Variants in TSPAN14 observed in about 807,000 individuals in gnomAD.
TSPAN14 encodes tetraspanin 14.
In TSPAN14, 16 loss-of-function variants were observed where a neutral mutation model predicts 36.6. The ratio of observed to expected loss-of-function variants is 0.44; its 90% CI spans 0.30 to 0.66. The LOEUF is 0.66. Ranked by LOEUF, TSPAN14 falls within the 30% of genes least tolerant of loss-of-function variation. TSPAN14 has a pLI of 0.12. For missense variants in TSPAN14, 231 were observed against 355.1 expected, an observed-to-expected ratio of 0.65 and a Z score of 2.81; for synonymous variants, 139 against 143.8, an observed-to-expected ratio of 0.97 and a Z score of 0.24.
intron 1 of TSPAN14, among the ~76,000 whole-genome samples, chr10:80,485,083 A>G (rs1289677589): frequency 1.3e-5 from 2 of 151,940 alleles, no homozygotes; most frequent in East Asian, 1.9e-4. Flanking sequence ...TGAGATCCTA[A>G]TTTTTTTTCT....
At chr10:80,466,194 A>G (rs1314028818) in intron 1 of TSPAN14, among the ~76,000 whole-genome samples, 1 of 152,224 alleles carries the variant, frequency 6.6e-6, no homozygotes, top group Non-Finnish European at 1.5e-5. Context: ...TTATCAGCCA[A>G]GTCTTACAAA....
intron 3 of TSPAN14, among the ~76,000 whole-genome samples, chr10:80,505,940 G>A (rs969257602): frequency 1.3e-5 from 2 of 152,222 alleles, no homozygotes; most frequent in African/African-American, 4.8e-5. Flanking sequence ...AAGAATGGAA[G>A]TCAGCCTTCC....
chr10:80,458,764 G>T (rs968257411), intron 1 of TSPAN14, among the ~76,000 whole-genome samples: 14 of 152,094 alleles, frequency 9.2e-5, no homozygotes, highest in African/African-American at 3.1e-4. Context: ...TCCCTTAATT[G>T]CGTATGCTTT....
rs992044087 is a variant in TSPAN14, at chr10:80,509,484, C to G, written c.450+13C>G. 1.2e-6 allele frequency: 2 copies of G among 1,611,674 alleles called. No homozygotes were observed. Among genetic ancestry groups the G allele is most frequent in the Non-Finnish European group, 1.7e-6 (2 of 1,178,966 alleles). On this transcript the variant is annotated intron_variant, in intron 5 of 8. Transcript: ENST00000429989. This position sits in a 1 kb window ranked among gnomAD's most constrained non-coding sequence, Gnocchi z 4.7. The stretch of plus-strand genomic sequence containing the variant: ...CCTTCAGAAAGCTGTAAGCACCTCC[C>G]CAGCGGGCCCCCGATAGAGCATGCA...
At chr10:80,494,985 A>C (rs1848118140) in intron 2 of TSPAN14, among the ~76,000 whole-genome samples, 1 of 152,222 alleles carries the variant, frequency 6.6e-6, no homozygotes, top group Admixed American at 6.5e-5. Context: ...TTGCAGTCTT[A>C]AGATACGCAT....
chr10:80,458,112 T>C lies in TSPAN14; in HGVS notation c.-18+3741T>C, dbSNP rs1845811565. 2.6e-5 allele frequency among the ~76,000 whole-genome samples: 4 copies of C among 152,328 alleles called. No homozygotes were observed. In the South Asian group the frequency reaches 8.3e-4, roughly 32 times the overall value. On this transcript the variant is annotated intron_variant, in intron 1 of 8. Transcript: ENST00000429989. Reference sequence around the variant, plus strand: ...CCATCCGCTACCTGGATGTGGCCTGTAGGGGCAGCCACCTTTCCTAGAAGC... The same window carrying C: ...CCATCCGCTACCTGGATGTGGCCTGCAGGGGCAGCCACCTTTCCTAGAAGC...
At chr10:80,491,684 A>C (rs1417699303) in intron 2 of TSPAN14, among the ~76,000 whole-genome samples, 2 of 152,208 alleles carry the variant, frequency 1.3e-5, no homozygotes, top group African/African-American at 4.8e-5. Flanking sequence ...TGAATCCAGC[A>C]TGGTAGCAAG....
At chr10:80,521,325 TCTC>T (rs1841254812) in exon 9 of TSPAN14, 1 of 159,274 alleles carries the variant, frequency 6.3e-6, no homozygotes, top group Non-Finnish European at 1.4e-5. Context: ...CATGGGAAGG[TCTC>T]CGCCCAAATG....
intron 2 of TSPAN14, among the ~76,000 whole-genome samples, chr10:80,502,402 G>A (rs1050051340): frequency 6.6e-6 from 1 of 152,172 alleles, no homozygotes; most frequent in African/African-American, 2.4e-5. Context: ...CAGTCTTGTT[G>A]CTTGGACCAG....
At chr10:80,479,745 C>G (rs1589255773) in intron 1 of TSPAN14, among the ~76,000 whole-genome samples, 7 of 151,702 alleles carry the variant, frequency 4.6e-5, no homozygotes, top group African/African-American at 1.7e-4. Flanking sequence ...CAGCTTTGTT[C>G]TTTTGGCTTA....
intron 2 of TSPAN14, among the ~76,000 whole-genome samples, chr10:80,499,340 G>A (rs1205737367): frequency 6.6e-6 from 1 of 152,160 alleles, no homozygotes; most frequent in African/African-American, 2.4e-5. Flanking sequence ...CTTTCGCAAG[G>A]TCATTTGCCT....
At chr10:80,461,841 C>G (rs543472888) in intron 1 of TSPAN14, among the ~76,000 whole-genome samples, 2 of 151,836 alleles carry the variant, frequency 1.3e-5, no homozygotes, top group East Asian at 3.9e-4. Context: ...ACTGAGCCAC[C>G]GAGAGGAGCA....
At chr10:80,465,247 C>T (rs1846179427) in intron 1 of TSPAN14, among the ~76,000 whole-genome samples, 2 of 152,090 alleles carry the variant, frequency 1.3e-5, no homozygotes, top group South Asian at 4.1e-4. Context: ...CTATTAGTCT[C>T]CCAGGCCCCC....
At chr10:80,519,716 G>A (rs1301962574) in exon 9 of TSPAN14, 4 of 152,376 alleles carry the variant, frequency 2.6e-5, no homozygotes, top group Non-Finnish European at 5.9e-5. Context: ...GAGGAACCAA[G>A]GGATAGGGTA....
chr10:80,507,521 G>A (rs775881506), intron 4 of TSPAN14, 147 bp downstream of exon 4: 19 of 1,135,130 alleles, frequency 1.7e-5, no homozygotes, highest in Non-Finnish European at 2.2e-5. Flanking sequence ...GCAGCCATTT[G>A]CACTCTACTG....
At chr10:80,481,456 A>C (rs1847271036) in intron 1 of TSPAN14, among the ~76,000 whole-genome samples, 1 of 152,196 alleles carries the variant, frequency 6.6e-6, no homozygotes, top group Non-Finnish European at 1.5e-5. Flanking sequence ...ATCATGTGTT[A>C]TGTTGCTCAC....
At chr10:80,462,228 G>A (rs1336121474) in intron 1 of TSPAN14, among the ~76,000 whole-genome samples, 1 of 152,084 alleles carries the variant, frequency 6.6e-6, no homozygotes, top group Non-Finnish European at 1.5e-5. Context: ...TCTGTAAGGG[G>A]AACCAAATAT....
At chr10:80,465,190 C>T (rs948339934) in intron 1 of TSPAN14, among the ~76,000 whole-genome samples, 59 of 152,170 alleles carry the variant, frequency 3.9e-4, no homozygotes, top group African/African-American at 1.2e-3. Context: ...CGAGTCTTCC[C>T]GGCCCAGCTG....
chr10:80,512,473 T>A (rs1840713404), intron 6 of TSPAN14, among the ~76,000 whole-genome samples: 1 of 152,224 alleles, frequency 6.6e-6, no homozygotes, highest in Non-Finnish European at 1.5e-5. Context: ...TGACCCACCC[T>A]GGCCTTGGTG....
Sources: allele counts gnomAD v4.1 joint callset (sites outside exome capture counted in the v4.1 genomes callset), GRCh38; gene constraint gnomAD v4.1.1; non-coding constraint Gnocchi (gnomAD v3.1); transcripts MANE v1.5; gene names NCBI Gene and HGNC (gene_info 2026-07-23, HGNC 2026-07-21).